The following LIMS1 variants were observed in gnomAD, a reference collection of about 807,000 sequenced individuals.
LIMS1 encodes LIM and senescent cell antigen-like-containing domain protein 1.
A neutral mutation model predicts 44.1 loss-of-function variants in LIMS1; 18 were observed. That is an observed-to-expected ratio of 0.41 (90% CI 0.28 to 0.61). The LOEUF is 0.61. LIMS1 is among the 20% of genes least tolerant of loss of function. LIMS1 has a pLI of 0.32. For synonymous variants in LIMS1, 93 were observed against 149.1 expected (o/e 0.62, Z 2.74); for missense variants, 201 against 422.0 (o/e 0.48, Z 4.59).
At chr2:108,655,042 C>T (rs758912054) in intron 1 of LIMS1, 14 of 1,611,864 alleles carry the variant, frequency 8.7e-6, no homozygotes, top group Admixed American at 3.3e-5. Flanking sequence ...CTGCCATTCT[C>T]GTCCCTGTGC....
At chr2:108,684,301 T>G (rs1355622054) in exon 10 of LIMS1, 7 of 159,818 alleles carry the variant, frequency 4.4e-5, no homozygotes, top group Non-Finnish European at 6.8e-5. Context: ...AAATATAACT[T>G]TTTAAAATGA....
intron 1 of LIMS1, among the ~76,000 whole-genome samples, chr2:108,593,940 A>G (rs1415787407): frequency 6.6e-6 from 1 of 152,200 alleles, no homozygotes; most frequent in Non-Finnish European, 1.5e-5. Flanking sequence ...CCTAGTGGTA[A>G]GTAAAGGATA....
chr2:108,598,787 A>G (rs1038588845), intron 1 of LIMS1, among the ~76,000 whole-genome samples: 2 of 152,140 alleles, frequency 1.3e-5, no homozygotes, highest in African/African-American at 4.8e-5. Flanking sequence ...GTATTCCTTC[A>G]GTAATTGTGG....
At chr2:108,582,236 C>G (rs541006681) in intron 1 of LIMS1, among the ~76,000 whole-genome samples, 1 of 152,160 alleles carries the variant, frequency 6.6e-6, no homozygotes, top group African/African-American at 2.4e-5. Flanking sequence ...TGAAACTGTT[C>G]CCTAAGGAGC....
chr2:108,556,117 C>G (rs1268307317), intron 1 of LIMS1, among the ~76,000 whole-genome samples: 1 of 152,154 alleles, frequency 6.6e-6, no homozygotes, highest in African/African-American at 2.4e-5. Context: ...TTGCCCCCAG[C>G]CCCTAGTAAC....
At chr2:108,680,361 G>A (rs1692878479) in intron 8 of LIMS1, among the ~76,000 whole-genome samples, 2 of 114,366 alleles carry the variant, frequency 1.7e-5, no homozygotes, top group Admixed American at 9.9e-5. Context: ...GCGAGATTCC[G>A]TCTCAAAAAA....
rs573659594 is a variant in LIMS1, at chr2:108,565,538, A to G, written c.32+30944A>G. On this transcript the variant is annotated intron_variant, in intron 1 of 9. Transcript: ENST00000544547. The stretch of plus-strand genomic sequence containing the variant: ...TGTTTAAAAGGTAAGCAGGGAAATC[A>G]TGACCTTTTAAACCATTCTTTGGAA... Among the ~76,000 whole-genome samples the G allele has an allele frequency of 3.3e-5, 5 of 152,352 alleles. No individual in the cohort carries two copies. In the South Asian group the frequency reaches 1.0e-3, roughly 32 times the overall value.
chr2:108,637,097 ATATGTGTG>A (rs1386829363), intron 1 of LIMS1, among the ~76,000 whole-genome samples: 6,397 of 132,036 alleles, frequency 0.048, 358 homozygotes, highest in Admixed American at 0.18. Flanking sequence ...AAATATACAT[ATATGTGTG>A]TGTGTGTGTG....
At chr2:108,644,241 A>T (rs1573536725) in intron 1 of LIMS1, among the ~76,000 whole-genome samples, 1 of 152,128 alleles carries the variant, frequency 6.6e-6, no homozygotes, top group Non-Finnish European at 1.5e-5. Flanking sequence ...GGGCCAACAG[A>T]TACCTCATAC....
intron 1 of LIMS1, among the ~76,000 whole-genome samples, chr2:108,577,990 A>G (rs1685733637): frequency 6.6e-6 from 1 of 152,170 alleles, no homozygotes; most frequent in South Asian, 2.1e-4. Context: ...GCTCACTGCA[A>G]CCTTCACCTC....
chr2:108,611,644 C>CCCCG (rs1453356064), intron 1 of LIMS1, among the ~76,000 whole-genome samples: 1 of 151,792 alleles, frequency 6.6e-6, no homozygotes, highest in Non-Finnish European at 1.5e-5. Context: ...CTGTGGGAGG[C>CCCCG]CGGGGCGTGG....
chr2:108,617,087 T>G (rs1687970452), intron 1 of LIMS1, among the ~76,000 whole-genome samples: 1 of 152,214 alleles, frequency 6.6e-6, no homozygotes, highest in Non-Finnish European at 1.5e-5. Context: ...TCAACCAGTT[T>G]ACGAGCCATT....
At chr2:108,604,578 A>T (rs1011244577) in intron 1 of LIMS1, among the ~76,000 whole-genome samples, 1 of 152,166 alleles carries the variant, frequency 6.6e-6, no homozygotes, top group Admixed American at 6.5e-5. Context: ...AAATGACTGG[A>T]TATTAACATA....
intron 1 of LIMS1, among the ~76,000 whole-genome samples, chr2:108,623,833 A>G (rs970211104): frequency 2.0e-5 from 3 of 152,234 alleles, no homozygotes; most frequent in African/African-American, 7.2e-5. Flanking sequence ...AAAATTGGCC[A>G]TGGCCACTGC....
intron 1 of LIMS1, among the ~76,000 whole-genome samples, chr2:108,566,629 T>C (rs972870861): frequency 2.0e-5 from 3 of 152,032 alleles, no homozygotes; most frequent in Admixed American, 6.6e-5. Context: ...GGAGTTTCGC[T>C]CTTGTCACCC....
At chr2:108,659,094 C>T in intron 1 of LIMS1, 1 of 960,500 alleles carries the variant, frequency 1.0e-6, no homozygotes, top group Non-Finnish European at 1.2e-6. Flanking sequence ...GGTTTTAAGG[C>T]TACTTAAGCA....
intron 1 of LIMS1, among the ~76,000 whole-genome samples, chr2:108,551,301 AT>A (rs1323506058): frequency 6.8e-6 from 1 of 147,510 alleles, no homozygotes; most frequent in Non-Finnish European, 1.5e-5. Flanking sequence ...CTATATATAT[AT>A]AAATATATAT....
chr2:108,544,867 T>C (rs1483209109), intron 1 of LIMS1, among the ~76,000 whole-genome samples: 2 of 152,198 alleles, frequency 1.3e-5, no homozygotes, highest in East Asian at 3.9e-4. Context: ...CTCTCCCCTG[T>C]GTCATATCAT....
At chr2:108,645,219 G>GA (rs1185340097) in intron 1 of LIMS1, among the ~76,000 whole-genome samples, 5 of 152,096 alleles carry the variant, frequency 3.3e-5, no homozygotes, top group Non-Finnish European at 7.4e-5. Flanking sequence ...TGAAATGAAG[G>GA]AAAAAATGTT....
Sources: allele counts gnomAD v4.1 joint callset (sites outside exome capture counted in the v4.1 genomes callset), GRCh38; gene constraint gnomAD v4.1.1; transcripts MANE v1.5; gene names NCBI Gene and HGNC (gene_info 2026-07-23, HGNC 2026-07-21).